FBXW7: variants seen among roughly 807,000 people sequenced by gnomAD.
The protein encoded by FBXW7 is F-box and WD repeat domain containing 7.
A neutral mutation model predicts 86.3 loss-of-function variants in FBXW7; 11 were observed. That is an observed-to-expected ratio of 0.13 (90% CI 0.08 to 0.21). The LOEUF (loss-of-function observed/expected upper bound fraction) is 0.21. Ranked by LOEUF, FBXW7 falls within the 10% of genes least tolerant of loss-of-function variation. The pLI is 1.00. For missense variants in FBXW7, 488 were observed against 847.4 expected (o/e 0.58, Z 5.27); for synonymous variants, 313 against 297.9 (o/e 1.05, Z -0.52).
At chr4:152,470,087 G>A (rs917440888) in intron 2 of FBXW7, among the ~76,000 whole-genome samples, 15 of 151,732 alleles carry the variant, frequency 9.9e-5, no homozygotes, top group South Asian at 2.1e-4. Flanking sequence ...ATTTAATGAC[G>A]GTAATTTGTT....
At chr4:152,423,410 ATTT>A (rs1399932691) in intron 2 of FBXW7, among the ~76,000 whole-genome samples, 4 of 152,194 alleles carry the variant, frequency 2.6e-5, no homozygotes, top group Admixed American at 2.0e-4. Flanking sequence ...AACTTTGTAA[ATTT>A]TTATTGATAA....
intron 2 of FBXW7, among the ~76,000 whole-genome samples, chr4:152,469,529 T>C (rs1236811232): frequency 6.6e-6 from 1 of 152,112 alleles, no homozygotes; most frequent in Non-Finnish European, 1.5e-5. Context: ...TTGGTTCATG[T>C]TGGCATGTTG....
At chr4:152,372,350 C>T (rs971129698) in intron 4 of FBXW7, among the ~76,000 whole-genome samples, 2 of 151,844 alleles carry the variant, frequency 1.3e-5, no homozygotes, top group South Asian at 2.1e-4. Flanking sequence ...GGATTTAGTT[C>T]CATGCTCTTG....
Position 152,436,227 on chromosome 4 carries a change from T to C in FBXW7, c.-119-23698A>G, listed in dbSNP as rs1200646602. Among the ~76,000 whole-genome samples the C allele has an allele frequency of 2.6e-5, 4 of 152,278 alleles. 1 individual carries two copies. The highest frequency in any genetic ancestry group is 6.5e-5 in the Admixed American group (1 of 15,294). On this transcript the variant is annotated intron_variant, in intron 2 of 13. Transcript: ENST00000281708. ...ACACATAAATGATAAGAAAGTGAAA[T>C]AGCCTTATTGTTGATATGGAAAAAG...
intron 2 of FBXW7, among the ~76,000 whole-genome samples, chr4:152,456,380 A>C (rs951905421): frequency 1.3e-5 from 2 of 150,106 alleles, no homozygotes; most frequent in South Asian, 2.1e-4. Flanking sequence ...AAAAAAAAAA[A>C]AAAAAAACAG....
intron 2 of FBXW7, among the ~76,000 whole-genome samples, chr4:152,429,457 AAG>A (rs1463663395): frequency 6.6e-6 from 1 of 152,114 alleles, no homozygotes; most frequent in Non-Finnish European, 1.5e-5. Context: ...AGGTCTGAGA[AAG>A]AGAGAGTTGT....
chr4:152,397,369 T>C (rs537753279), intron 4 of FBXW7, among the ~76,000 whole-genome samples: 1 of 152,108 alleles, frequency 6.6e-6, no homozygotes, highest in East Asian at 1.9e-4. Context: ...AGGTCATATG[T>C]AGCTCAAAGT....
intron 2 of FBXW7, among the ~76,000 whole-genome samples, chr4:152,498,322 A>C (rs971347392): frequency 9.2e-5 from 14 of 152,200 alleles, no homozygotes; most frequent in African/African-American, 3.4e-4. Flanking sequence ...AACATTAAGA[A>C]GACAGTAATT....
chr4:152,331,574 T>A (rs1365973636), intron 8 of FBXW7, among the ~76,000 whole-genome samples: 1 of 151,860 alleles, frequency 6.6e-6, no homozygotes, highest in Non-Finnish European at 1.5e-5. Flanking sequence ...AGAGGAATAA[T>A]GGGGAGTTAG....
rs1578861326 is a variant in FBXW7, at chr4:152,320,668, C to T, written c.*2213G>A. ...AGTACCAGAAAAATGGCTTATTTCC[C>T]TCTCAAACCTTGCTTTAGTCTGTCA... On this transcript the variant is annotated 3_prime_UTR_variant, in exon 14 of 14. Coordinates refer to ENST00000281708, the MANE Select transcript of FBXW7 (RefSeq NM_001349798.2). 2 of 152,158 alleles carry T rather than the reference C, an allele frequency of 1.3e-5. No homozygotes were observed. The highest frequency in any genetic ancestry group is 2.1e-4 in the South Asian group (1 of 4,822). The allele number at this position is 152,158 out of a possible 1,614,324, so 9.4% of individuals were successfully genotyped here.
chr4:152,375,962 T>C lies in FBXW7; in HGVS notation c.502-25838A>G, dbSNP rs184939499. On this transcript the variant is annotated intron_variant, in intron 4 of 13. Coordinates refer to ENST00000281708, the MANE Select transcript of FBXW7 (RefSeq NM_001349798.2). ...AACAATAGTGAGAAATTACGATATA[T>C]TTATATGGCAGATTATATACTTTTG... is the stretch of plus-strand genomic sequence containing the variant. 7.1e-3 allele frequency among the ~76,000 whole-genome samples: 1,080 copies of C among 152,208 alleles called. 7 individuals carry two copies. The highest frequency in any genetic ancestry group is 0.01 in the Non-Finnish European group (699 of 67,962).
intron 2 of FBXW7, among the ~76,000 whole-genome samples, chr4:152,442,553 T>C (rs1425854692): frequency 6.6e-6 from 1 of 152,214 alleles, no homozygotes; most frequent in African/African-American, 2.4e-5. Context: ...GCTTCTCTGT[T>C]TTAGTATTTC....
chr4:152,505,639 G>C (rs907209910), intron 2 of FBXW7, among the ~76,000 whole-genome samples: 1 of 152,020 alleles, frequency 6.6e-6, no homozygotes, highest in Non-Finnish European at 1.5e-5. Flanking sequence ...TGTCCCACTG[G>C]AAGGTCTTCA....
chr4:152,399,130 C>T (rs1430215349), intron 4 of FBXW7, among the ~76,000 whole-genome samples: 3 of 152,114 alleles, frequency 2.0e-5, no homozygotes, highest in Non-Finnish European at 4.4e-5. Context: ...TTAGAAGCTA[C>T]AGGAGGACTC....
At chr4:152,392,133 C>G (rs1415854252) in intron 4 of FBXW7, among the ~76,000 whole-genome samples, 4 of 152,108 alleles carry the variant, frequency 2.6e-5, no homozygotes. Context: ...ATTGTATTCT[C>G]AAAGGTAGTC....
rs1360881599 is a variant in FBXW7 at position 152,521,024 on chromosome 4, C to A, written c.-120+13917G>T. 2.6e-5 allele frequency among the ~76,000 whole-genome samples: 4 copies of A among 152,104 alleles called. No individual in the cohort carries two copies. In the East Asian group the frequency reaches 7.7e-4, roughly 29 times the overall value. On this transcript the variant is annotated intron_variant, in intron 2 of 13. Transcript: ENST00000281708. ...TGTGTGGTCTCCCCTCCTGCCAACC[C>A]CCATAGAACTTATTTAAAAGCTTTC...
At chr4:152,380,231 T>C (rs1035249420) in intron 4 of FBXW7, among the ~76,000 whole-genome samples, 2 of 151,980 alleles carry the variant, frequency 1.3e-5, no homozygotes, top group African/African-American at 2.4e-5. Context: ...GTACAAAATA[T>C]TATTAATTAT....
chr4:152,398,777 AAG>A (rs1451826099), intron 4 of FBXW7, among the ~76,000 whole-genome samples: 1 of 152,042 alleles, frequency 6.6e-6, no homozygotes, highest in Non-Finnish European at 1.5e-5. Context: ...TGTCTCTCAG[AAG>A]AGAGGCCAAA....
intron 4 of FBXW7, among the ~76,000 whole-genome samples, chr4:152,383,917 T>G (rs918808551): frequency 4.6e-5 from 7 of 152,084 alleles, no homozygotes; most frequent in Non-Finnish European, 8.8e-5. Context: ...AATAGGCACA[T>G]GAAAAGATGC....
Sources: allele counts gnomAD v4.1 joint callset (sites outside exome capture counted in the v4.1 genomes callset), GRCh38; gene constraint gnomAD v4.1.1; transcripts MANE v1.5; gene names NCBI Gene and HGNC (gene_info 2026-07-23, HGNC 2026-07-21).